Variants in RALGAPA1 observed in about 807,000 individuals in gnomAD.
The protein encoded by RALGAPA1 is ral GTPase-activating protein subunit alpha-1.
RALGAPA1 carries 52 observed loss-of-function variants against 269.6 expected under a neutral mutation model. The ratio of observed to expected loss-of-function variants is 0.19; its 90% CI spans 0.15 to 0.24. The LOEUF is 0.24. Ranked by LOEUF, RALGAPA1 falls within the 10% of genes least tolerant of loss-of-function variation. The pLI, the probability that RALGAPA1 is intolerant of heterozygous loss-of-function variation, is 1.00. For synonymous variants in RALGAPA1, 817 were observed against 1,008.3 expected (o/e 0.81, Z 3.60); for missense variants, 1,917 against 3,013.9 (o/e 0.64, Z 8.52).
At chr14:35,677,441 C>A (rs2065044184) in intron 22 of RALGAPA1, 4 of 153,482 alleles carry the variant, frequency 2.6e-5, no homozygotes, top group Non-Finnish European at 5.8e-5. Context: ...TTAGGTTTCC[C>A]AAGTCACTTT....
chr14:35,761,134 G>C, intron 5 of RALGAPA1, 128 bp from the exon 6 acceptor site: 2 of 584,348 alleles, frequency 3.4e-6, no homozygotes, highest in Admixed American at 6.5e-5. Context: ...GGAAGGAAGG[G>C]GAAGTTGAGG....
Position 35,671,406 on chromosome 14 carries a change from A to C in RALGAPA1, c.5185T>G (p.Ser1729Ala), listed in dbSNP as rs1390864550. 2.5e-6 allele frequency: 4 copies of C among 1,610,132 alleles called. No homozygotes were observed. The highest frequency in any genetic ancestry group is 2.5e-6 in the Non-Finnish European group (3 of 1,178,584). Reference sequence around the variant, plus strand: ...TGACTTACATTGAGAAAAGCTGAAGAAGCCACTCTACCAGCTGCTACAATA... The same window carrying C: ...TGACTTACATTGAGAAAAGCTGAAGCAGCCACTCTACCAGCTGCTACAATA... Reference protein sequence around the residue: ...DFIVAAGRVASSAFLNAPRVE... With the variant: ...DFIVAAGRVAASAFLNAPRVE... The change falls in exon 26 of 42, where the codon TCT becomes GCT. Residue 1729 changes from serine to alanine, a missense_variant. This residue lies in a region of RALGAPA1 where 346 missense variants were observed against 566.1 expected (regional missense o/e 0.61). Coordinates refer to ENST00000680220, the MANE Select transcript of RALGAPA1 (RefSeq NM_001346249.2).
chr14:35,541,431 C>G (rs2053989139), intron 41 of RALGAPA1, among the ~76,000 whole-genome samples: 1 of 152,134 alleles, frequency 6.6e-6, no homozygotes, highest in Non-Finnish European at 1.5e-5. Flanking sequence ...CACTCATAAT[C>G]CAGGTCAATT....
chr14:35,602,225 T>A (rs1368006892), intron 36 of RALGAPA1, among the ~76,000 whole-genome samples: 1 of 152,216 alleles, frequency 6.6e-6, no homozygotes, highest in African/African-American at 2.4e-5. Flanking sequence ...TTGATGGACA[T>A]CTGGGTTGTT....
rs539099027 is a variant in RALGAPA1, at chr14:35,570,020, A to C, written c.7496+597T>G. Reference sequence around the variant, plus strand: ...TGCAGTGGCTCAGGTCTGTAATCCCAGCACTTTGGGAGGCCGAGGCGGGCG... The same window carrying C: ...TGCAGTGGCTCAGGTCTGTAATCCCCGCACTTTGGGAGGCCGAGGCGGGCG... On this transcript the variant is annotated intron_variant, in intron 39 of 41. Coordinates refer to ENST00000680220, the MANE Select transcript of RALGAPA1 (RefSeq NM_001346249.2). Among the ~76,000 whole-genome samples, 36 of 152,266 alleles carry C rather than the reference A, an allele frequency of 2.4e-4. 1 individual carries two copies. In the South Asian group the frequency reaches 7.0e-3, roughly 30 times the overall value.
At chr14:35,662,157 A>G (rs550528469) in intron 27 of RALGAPA1, among the ~76,000 whole-genome samples, 1 of 152,350 alleles carries the variant, frequency 6.6e-6, no homozygotes, top group Admixed American at 6.5e-5. Context: ...AGCTCATCTG[A>G]GAAGTCATAA....
chr14:35,797,588 G>A (rs2076666682), intron 1 of RALGAPA1, among the ~76,000 whole-genome samples: 1 of 151,986 alleles, frequency 6.6e-6, no homozygotes, highest in South Asian at 2.1e-4. Flanking sequence ...GCTCACGCCT[G>A]TAATCCCAGC....
intron 8 of RALGAPA1, 118 bp from the exon 9 acceptor site, chr14:35,750,808 CT>C (rs1200116048): frequency 1.0e-5 from 9 of 859,168 alleles, no homozygotes; most frequent in Non-Finnish European, 1.4e-5. Context: ...TCAGAAGTAG[CT>C]TTAGCACAGA....
chr14:35,614,201 A>T (rs1433235125), intron 35 of RALGAPA1, among the ~76,000 whole-genome samples: 1 of 152,218 alleles, frequency 6.6e-6, no homozygotes, highest in Non-Finnish European at 1.5e-5. Flanking sequence ...GAGAGTTATC[A>T]TATCATCCAG....
intron 28 of RALGAPA1, among the ~76,000 whole-genome samples, chr14:35,658,838 T>G (rs1023334290): frequency 2.2e-4 from 33 of 151,784 alleles, no homozygotes; most frequent in African/African-American, 8.0e-4. Flanking sequence ...TAAAAGACAT[T>G]GACAAATATA....
chr14:35,615,715 T>C (rs1566829627), intron 35 of RALGAPA1, among the ~76,000 whole-genome samples: 2 of 152,248 alleles, frequency 1.3e-5, no homozygotes, highest in Admixed American at 6.5e-5. Context: ...AATTGAGGTA[T>C]GTATTCATAC....
intron 1 of RALGAPA1, among the ~76,000 whole-genome samples, chr14:35,808,477 T>A (rs1055109433): frequency 6.6e-6 from 1 of 152,240 alleles, no homozygotes; most frequent in Non-Finnish European, 1.5e-5. Flanking sequence ...TCTAAGTTTT[T>A]AGAGTAATAC....
At chr14:35,735,894 A>T (rs1269908484) in intron 12 of RALGAPA1, among the ~76,000 whole-genome samples, 1 of 152,172 alleles carries the variant, frequency 6.6e-6, no homozygotes, top group Non-Finnish European at 1.5e-5. Flanking sequence ...TCTATGCACC[A>T]CACTCTGAGG....
At chr14:35,637,920 T>A (rs1056467365) in intron 31 of RALGAPA1, among the ~76,000 whole-genome samples, 1 of 152,156 alleles carries the variant, frequency 6.6e-6, no homozygotes, top group Non-Finnish European at 1.5e-5. Flanking sequence ...ATGACATATT[T>A]AAAGTGCTAA....
Position 35,570,728 on chromosome 14 carries a change from G to C in RALGAPA1, c.7385C>G (p.Pro2462Arg), listed in dbSNP as rs2057119655. The C allele has an allele frequency of 6.3e-7, 1 of 1,595,068 alleles. No homozygotes were observed. The highest frequency in any genetic ancestry group is 8.5e-7 in the Non-Finnish European group (1 of 1,172,290). ...MKKPEVPFFG[P>R]LFDGAIVNGK... ...ATTCACAATAGCACCATCAAAAAGG[G>C]GACCAAAGAAGGGAACCTGATTGAG... Residue 2462 changes from proline to arginine, a missense_variant, in exon 39 of 42, where the codon CCC (proline) becomes CGC (arginine). This residue lies in a region of RALGAPA1 where 91 missense variants were observed against 130.9 expected (regional missense o/e 0.70). Coordinates refer to ENST00000680220, the MANE Select transcript of RALGAPA1 (RefSeq NM_001346249.2).
intron 39 of RALGAPA1, among the ~76,000 whole-genome samples, chr14:35,568,125 C>T (rs982134219): frequency 6.6e-6 from 1 of 151,996 alleles, no homozygotes; most frequent in Non-Finnish European, 1.5e-5. Flanking sequence ...AAAGTATATG[C>T]CAATAAACAG....
chr14:35,627,615 T>G lies in RALGAPA1; in HGVS notation c.6332A>C (p.Lys2111Thr). The G allele has an allele frequency of 5.7e-6, 9 of 1,584,374 alleles. No homozygotes were observed. Among genetic ancestry groups the G allele is most frequent in the Non-Finnish European group, 7.7e-6 (9 of 1,166,516 alleles). The change falls in exon 34 of 42, where the codon AAA (lysine) becomes ACA (threonine). Residue 2111 changes from lysine to threonine, a missense_variant. Lys to Thr is a moderately conservative substitution (Grantham distance 78, BLOSUM62 -1). Around this residue, in one of 11 missense-constraint regions of RALGAPA1, gnomAD observed 346 missense variants for 566.1 expected, o/e 0.61. Coordinates refer to ENST00000680220, the MANE Select transcript of RALGAPA1 (RefSeq NM_001346249.2). ...VRIIVRDLSG[K>T]YSWDSAILYG... is the part of the protein sequence containing the mutation. The stretch of plus-strand genomic sequence containing the variant: ...CAGTATAGCAGAATCCCATGAATAT[T>G]TTCCAGAGAGATCACGTACTATGAT...
At chr14:35,668,538 T>C (rs1319194705) in intron 26 of RALGAPA1, among the ~76,000 whole-genome samples, 2 of 151,090 alleles carry the variant, frequency 1.3e-5, no homozygotes. Flanking sequence ...ATGACTGTAA[T>C]CCCAGCACCT....
At chr14:35,602,846 A>G (rs2059373896) in intron 36 of RALGAPA1, among the ~76,000 whole-genome samples, 1 of 152,190 alleles carries the variant, frequency 6.6e-6, no homozygotes, top group South Asian at 2.1e-4. Context: ...ATTTATTCCT[A>G]TATTTTCTTC....
Sources: gnomAD v4.1 joint callset for allele counts (sites outside exome capture counted in the v4.1 genomes callset) on GRCh38, gnomAD v4.1.1 for gene constraint, gnomAD v4.1.1 regional missense constraint, MANE v1.5 for transcripts, NCBI Gene and HGNC (gene_info 2026-07-23, HGNC 2026-07-21) for gene names.